Variants in SYNE3 observed in about 807,000 individuals in gnomAD.
The protein encoded by SYNE3 is nesprin-3.
SYNE3 carries 100 observed loss-of-function variants against 111.2 expected under a neutral mutation model. The ratio of observed to expected loss-of-function variants is 0.90; its 90% CI spans 0.77 to 1.06. The LOEUF is 1.06. Among genes scored for constraint, SYNE3 ranks in the 50% least tolerant of loss-of-function variants. The pLI, the probability that SYNE3 is intolerant of heterozygous loss-of-function variation, is 0.00. For missense variants in SYNE3, 1,160 were observed against 1,240.3 expected, an observed-to-expected ratio of 0.94 and a Z score of 0.97; for synonymous variants, 547 against 533.9, an observed-to-expected ratio of 1.02 and a Z score of -0.34.
At position 95,455,523 on chromosome 14, in the gene SYNE3, C is replaced by T. The variant is rs200075317; in HGVS notation, c.991G>A (p.Gly331Arg). Residue 331 changes from glycine (G) to arginine (R), a missense_variant, in exon 6 of 18, where the codon GGA (glycine) becomes AGA (arginine). Physicochemically the swap from Gly to Arg is moderately radical, Grantham distance 125 (BLOSUM62 -2). Coordinates refer to ENST00000682763, the MANE Select transcript of SYNE3 (RefSeq NM_152592.6). Reference sequence around the variant, plus strand: ...TGCTTAATCTGCTGCTCCCAGGCTCCCCTGGACCGGAGCAGGCCCCGCAGC... The same window carrying T: ...TGCTTAATCTGCTGCTCCCAGGCTCTCCTGGACCGGAGCAGGCCCCGCAGC... ...ERLRGLLRSR[G>R]AWEQQIKQLE... 6.2e-7 allele frequency: 1 copy of T among 1,613,932 alleles called. No individual in the cohort carries two copies. Among genetic ancestry groups the T allele is most frequent in the Non-Finnish European group, 8.5e-7 (1 of 1,180,022 alleles).
intron 1 of SYNE3, among the ~76,000 whole-genome samples, chr14:95,490,700 C>T (rs1417537038): frequency 1.3e-5 from 2 of 152,204 alleles, no homozygotes; most frequent in East Asian, 3.8e-4. Flanking sequence ...GGTGAAAGAG[C>T]TATGAAGAGT....
intron 1 of SYNE3, among the ~76,000 whole-genome samples, chr14:95,497,566 C>T (rs1566687952): frequency 1.3e-5 from 2 of 152,288 alleles, no homozygotes; most frequent in East Asian, 1.9e-4. Flanking sequence ...GAATAATGCA[C>T]GGTCTGCAGA....
chr14:95,485,006 A>T lies in SYNE3; in HGVS notation c.-14-9171T>A, dbSNP rs1414974194. On this transcript the variant is annotated intron_variant, in intron 1 of 17. Coordinates refer to ENST00000682763, the MANE Select transcript of SYNE3 (RefSeq NM_152592.6). This position sits in a 1 kb window ranked among gnomAD's most constrained non-coding sequence, Gnocchi z 4.3. Reference sequence around the variant, plus strand: ...CTGGGGGCTAAGAATTTGCATTTCTAATGAGTATTTAGGTAACGTTGACAC... The same window carrying T: ...CTGGGGGCTAAGAATTTGCATTTCTTATGAGTATTTAGGTAACGTTGACAC... Among the ~76,000 whole-genome samples the T allele has an allele frequency of 2.0e-5, 3 of 152,110 alleles. No homozygotes were observed. Among genetic ancestry groups the T allele is most frequent in the African/African-American group, 7.2e-5 (3 of 41,406 alleles).
At chr14:95,478,156 C>G (rs989928375) in intron 1 of SYNE3, among the ~76,000 whole-genome samples, 4 of 152,152 alleles carry the variant, frequency 2.6e-5, no homozygotes, top group Non-Finnish European at 5.9e-5. Context: ...GTGGGCTGGG[C>G]GAGGCTGCAG....
At chr14:95,453,270 C>T (rs1887203282) in intron 6 of SYNE3, among the ~76,000 whole-genome samples, 1 of 152,194 alleles carries the variant, frequency 6.6e-6, no homozygotes, top group Non-Finnish European at 1.5e-5. Flanking sequence ...CCCCAGCTCC[C>T]TCAATCCCAG....
At chr14:95,419,983 C>T (rs17094950) in intron 17 of SYNE3, among the ~76,000 whole-genome samples, 8,390 of 24,262 alleles carry the variant, frequency 0.35, 383 homozygotes, top group Admixed American at 0.42. Flanking sequence ...CTAACCTGGG[C>T]AGTTCTGTCT....
At chr14:95,431,041 A>G (rs61981405) in intron 17 of SYNE3, among the ~76,000 whole-genome samples, 4,711 of 152,302 alleles carry the variant, frequency 0.031, 174 homozygotes, top group African/African-American at 0.085. Context: ...TCTAGGAAAC[A>G]CAGATTCCAA....
rs1055882433 is a variant in SYNE3, at chr14:95,407,774, C to G, written c.*10052G>C. 2 of 142,370 alleles carry G rather than the reference C, an allele frequency of 1.4e-5. No homozygotes were observed. Among genetic ancestry groups the G allele is most frequent in the Non-Finnish European group, 3.1e-5 (2 of 63,644 alleles). The allele number at this position is 142,370 out of a possible 1,614,324, so 8.8% of individuals were successfully genotyped here. ...GAACGCATACACAAACACACACACA[C>G]AGACACACACACACACACACACACA... is the stretch of plus-strand genomic sequence containing the variant. On this transcript the variant is annotated 3_prime_UTR_variant, in exon 18 of 18. Coordinates refer to ENST00000682763, the MANE Select transcript of SYNE3 (RefSeq NM_152592.6).
At chr14:95,432,242 T>C in intron 16 of SYNE3, 125 bp from the exon 17 acceptor site, 1 of 1,141,214 alleles carries the variant, frequency 8.8e-7, no homozygotes, top group Non-Finnish European at 1.3e-6. Context: ...TTAAAACTTC[T>C]GGTCATCTGG....
chr14:95,457,201 G>T lies in SYNE3; in HGVS notation c.765C>A (p.Ile255=). The T allele has an allele frequency of 6.2e-7, 1 of 1,614,012 alleles. No individual in the cohort carries two copies. Among genetic ancestry groups the T allele is most frequent in the East Asian group, 2.2e-5 (1 of 44,882 alleles). Reference sequence around the variant, plus strand: ...CCTGCAGTGTGGAGAGGCGCTGCGTGATGGGCAGCTTGCAGTTCCGCCCCA... The same window carrying T: ...CCTGCAGTGTGGAGAGGCGCTGCGTTATGGGCAGCTTGCAGTTCCGCCCCA... ...GCLGRNCKLP[I]TQRLSTLQDI... Residue 255 remains isoleucine, a synonymous_variant, in exon 5 of 18, where the codon ATC becomes ATA. Transcript: ENST00000682763.
chr14:95,515,257 C>A (rs770397042), intron 1 of SYNE3, among the ~76,000 whole-genome samples: 18 of 152,248 alleles, frequency 1.2e-4, no homozygotes, highest in Non-Finnish European at 2.5e-4. Flanking sequence ...TGGCTGTCAG[C>A]CTGCCGAGCA....
intron 1 of SYNE3, among the ~76,000 whole-genome samples, chr14:95,501,810 G>A (rs1413884355): frequency 4.6e-5 from 7 of 152,218 alleles, no homozygotes. Flanking sequence ...AATGAAGGTG[G>A]AGAGTCTCAA....
At chr14:95,499,422 G>C (rs1057412378) in intron 1 of SYNE3, among the ~76,000 whole-genome samples, 10 of 151,960 alleles carry the variant, frequency 6.6e-5, no homozygotes, top group Non-Finnish European at 1.5e-4. Flanking sequence ...ACCACCTGTG[G>C]CTCCCTGTAT....
intron 11 of SYNE3, among the ~76,000 whole-genome samples, chr14:95,441,680 A>C (rs58718357): frequency 0.013 from 1,993 of 152,282 alleles, 49 homozygotes; most frequent in African/African-American, 0.045. Context: ...TGGGCTCCTG[A>C]GGAGTGAGGA....
At chr14:95,433,162 C>G in intron 16 of SYNE3, 98 bp downstream of exon 16, 1 of 1,508,670 alleles carries the variant, frequency 6.6e-7, no homozygotes, top group Non-Finnish European at 8.9e-7. Flanking sequence ...ATGCACAGGG[C>G]AGGGTGGATG....
chr14:95,444,480 C>T lies in SYNE3; in HGVS notation c.1776+5G>A. ...GGAGTGATTCAGGCCTCACAGACCC[C>T]TCACCTGCAACCTTGAGAGCTGGGC... is the stretch of plus-strand genomic sequence containing the variant. On this transcript the variant is annotated splice_donor_5th_base_variant and intron_variant, in intron 10 of 17. Transcript: ENST00000682763. 2 of 1,606,748 alleles carry T rather than the reference C, an allele frequency of 1.2e-6. No individual in the cohort carries two copies. The highest frequency in any genetic ancestry group is 2.2e-5 in the East Asian group (1 of 44,740).
rs1179080260 is a variant in SYNE3 at position 95,409,332 on chromosome 14, G to A, written c.*8494C>T. On this transcript the variant is annotated 3_prime_UTR_variant, in exon 18 of 18. Coordinates refer to ENST00000682763, the MANE Select transcript of SYNE3 (RefSeq NM_152592.6). ...ACCATATTGCAGGCGCTCGGGGTAT[G>A]TTTTCTTCCCTCCCTTTCTCATCAG... 4 of 456,746 alleles carry A rather than the reference G, an allele frequency of 8.8e-6. No homozygotes were observed. Among genetic ancestry groups the A allele is most frequent in the South Asian group, 6.2e-5 (4 of 64,570 alleles). 28.3% of individuals were successfully genotyped at this position (456,746 alleles called of 1,614,324 possible).
chr14:95,469,352 C>T (rs61981453), intron 2 of SYNE3, among the ~76,000 whole-genome samples: 39,675 of 151,494 alleles, frequency 0.26, 5,609 homozygotes, highest in Non-Finnish European at 0.32. Context: ...CCTGAGACAA[C>T]GATAACAGTC....
chr14:95,438,666 T>G (rs913350913), intron 14 of SYNE3: 2 of 202,276 alleles, frequency 9.9e-6, no homozygotes, highest in South Asian at 2.8e-4. Context: ...GCAGAAAAGT[T>G]TTCCCATCTT....
Sources: gnomAD v4.1 joint callset for allele counts (sites outside exome capture counted in the v4.1 genomes callset) on GRCh38, gnomAD v4.1.1 for gene constraint, Gnocchi (gnomAD v3.1) non-coding constraint, MANE v1.5 for transcripts, NCBI Gene and HGNC (gene_info 2026-07-23, HGNC 2026-07-21) for gene names.